Variants in KAZN observed in about 807,000 individuals in gnomAD.
KAZN encodes the protein kazrin, periplakin interacting protein, also known as kazrin.
A neutral mutation model predicts 87.4 loss-of-function variants in KAZN; 40 were observed. The observed-to-expected ratio is 0.46, with a 90% CI of 0.36 to 0.60. The LOEUF (loss-of-function observed/expected upper bound fraction) is 0.60, where lower values mean the gene tolerates loss of function less well. KAZN is among the 20% of genes least tolerant of loss of function. The pLI is 0.00. For synonymous variants in KAZN, 466 were observed against 458.3 expected, an observed-to-expected ratio of 1.02 and a Z score of -0.22; for missense variants, 898 against 1,073.9, an observed-to-expected ratio of 0.84 and a Z score of 2.29.
At chr1:14,477,138 A>G (rs1206884519) in intron 2 of KAZN, among the ~76,000 whole-genome samples, 1 of 152,194 alleles carries the variant, frequency 6.6e-6, no homozygotes, top group Admixed American at 6.5e-5. Context: ...GTGGGAGGTC[A>G]TTAAATTATG....
intron 1 of KAZN, among the ~76,000 whole-genome samples, chr1:14,126,376 AATTT>A (rs1644869308): frequency 7.2e-6 from 1 of 138,090 alleles, no homozygotes; most frequent in African/African-American, 2.6e-5. Context: ...CAAGATGCTT[AATTT>A]ATTTATTACA....
In KAZN at chr1:14,387,976, C is replaced by T. The variant is rs188518322; in HGVS notation, c.249+207384C>T. Among the ~76,000 whole-genome samples the T allele has an allele frequency of 5.0e-4, 76 of 152,324 alleles. No homozygotes were observed. In the East Asian group the frequency reaches 8.3e-3, roughly 17 times the overall value. On this transcript the variant is annotated intron_variant, in intron 2 of 16. Transcript: ENST00000636203. ...CTAGCAATCAGCGAGACTCCGTGGG[C>T]GTAGGACCCTCCGATCCAGGTGCGG...
intron 1 of KAZN, among the ~76,000 whole-genome samples, chr1:14,847,968 A>G (rs1648980326): frequency 6.6e-6 from 1 of 152,224 alleles, no homozygotes. Context: ...CGACAGAGTG[A>G]GATTCTGTCT....
chr1:13,915,227 G>A (rs954579821), intron 1 of KAZN, among the ~76,000 whole-genome samples: 3 of 152,010 alleles, frequency 2.0e-5, no homozygotes, highest in Non-Finnish European at 4.4e-5. Flanking sequence ...TTCTTATGGC[G>A]AAACCAAAAA....
In KAZN at chr1:14,301,481, C is replaced by G. The variant is rs188594066; in HGVS notation, c.249+120889C>G. ...AGCCACCGGGGTAGTGTAGACACACCCCTTCTGAATGTACCCCAGCCTGCC... is the reference window on the plus strand; with the variant it reads ...AGCCACCGGGGTAGTGTAGACACACGCCTTCTGAATGTACCCCAGCCTGCC... On this transcript the variant is annotated intron_variant, in intron 2 of 16. Coordinates refer to the KAZN transcript ENST00000636203. Among the ~76,000 whole-genome samples, 456 of 152,280 alleles carry G rather than the reference C, an allele frequency of 3.0e-3. 2 individuals are homozygous for G. Among genetic ancestry groups the G allele is most frequent in the African/African-American group, 0.01 (430 of 41,538 alleles).
At chr1:13,965,448 G>A (rs1343266935) in intron 1 of KAZN, among the ~76,000 whole-genome samples, 2 of 152,150 alleles carry the variant, frequency 1.3e-5, no homozygotes, top group African/African-American at 2.4e-5. Context: ...ATGGAAAGTG[G>A]GTGGTGGTGT....
In KAZN at chr1:14,267,076, T is replaced by C. The variant is rs144579819; in HGVS notation, c.249+86484T>C. Among the ~76,000 whole-genome samples, 737 of 128,616 alleles carry C rather than the reference T, an allele frequency of 5.7e-3. 7 individuals carry two copies. The highest frequency in any genetic ancestry group is 0.019 in the African/African-American group (700 of 36,860). 84.4% of individuals were successfully genotyped at this position (128,616 alleles called of 152,430 possible). ...CAACAGTCCCCGCTGGTGTGTGATG[T>C]TCCCAAATTTTTTTTTCTCATCAAC... On this transcript the variant is annotated intron_variant, in intron 2 of 16. Transcript: ENST00000636203.
intron 1 of KAZN, among the ~76,000 whole-genome samples, chr1:14,094,162 A>G (rs1341248883): frequency 6.6e-6 from 1 of 152,098 alleles, no homozygotes. Context: ...ATGAGGAGTG[A>G]GAAACGGGAG....
chr1:15,088,788 C>A (rs1041196626), intron 8 of KAZN, among the ~76,000 whole-genome samples: 3 of 151,920 alleles, frequency 2.0e-5, no homozygotes, highest in Non-Finnish European at 4.4e-5. Context: ...GAGAAGGAGG[C>A]GGTGGTGAAT....
chr1:14,799,400 G>A (rs1279765420), intron 1 of KAZN, among the ~76,000 whole-genome samples: 2 of 152,254 alleles, frequency 1.3e-5, no homozygotes, highest in African/African-American at 4.8e-5. Context: ...CCGCTTTCAC[G>A]TTAGCCAATC....
chr1:14,282,562 T>C (rs1215438727), intron 2 of KAZN, among the ~76,000 whole-genome samples: 1 of 152,208 alleles, frequency 6.6e-6, no homozygotes, highest in East Asian at 1.9e-4. Flanking sequence ...AAGACATTGA[T>C]GCCCCCCTTA....
At chr1:14,303,957 C>A (rs536626032) in intron 2 of KAZN, among the ~76,000 whole-genome samples, 1 of 152,340 alleles carries the variant, frequency 6.6e-6, no homozygotes, top group African/African-American at 2.4e-5. Flanking sequence ...GTTCAATAAA[C>A]AACCCTTCCT....
At chr1:14,140,435 G>A (rs1007176182) in intron 1 of KAZN, among the ~76,000 whole-genome samples, 2 of 151,944 alleles carry the variant, frequency 1.3e-5, no homozygotes, top group Non-Finnish European at 2.9e-5. Context: ...ATTATAAGAT[G>A]AAAACAGTTA....
intron 2 of KAZN, among the ~76,000 whole-genome samples, chr1:14,586,310 T>C (rs746632016): frequency 1.6e-4 from 24 of 152,148 alleles, no homozygotes; most frequent in Non-Finnish European, 4.4e-5. Context: ...GATGGATCAA[T>C]CAAACGCCAC....
chr1:14,629,938 GC>G (rs1679441056), intron 1 of KAZN, among the ~76,000 whole-genome samples: 1 of 75,488 alleles, frequency 1.3e-5, no homozygotes, highest in Non-Finnish European at 2.6e-5. Context: ...CCACCTACCC[GC>G]CCCCCTGCCA....
intron 3 of KAZN, among the ~76,000 whole-genome samples, chr1:15,036,853 A>G (rs1672393557): frequency 6.6e-6 from 1 of 152,200 alleles, no homozygotes; most frequent in South Asian, 2.1e-4. Flanking sequence ...CCATTCATTT[A>G]ACATCCACAC....
At chr1:15,041,462 C>G (rs373594186) in intron 3 of KAZN, among the ~76,000 whole-genome samples, 2 of 151,498 alleles carry the variant, frequency 1.3e-5, no homozygotes, top group African/African-American at 2.4e-5. Context: ...CTCAGCCTCC[C>G]GAGTAGCTGG....
chr1:14,350,623 G>A (rs538653725), intron 2 of KAZN, among the ~76,000 whole-genome samples: 35 of 152,322 alleles, frequency 2.3e-4, no homozygotes, highest in African/African-American at 8.4e-4. Flanking sequence ...CAATGCACTG[G>A]ACAGTGCCCA....
intron 1 of KAZN, among the ~76,000 whole-genome samples, chr1:14,766,114 A>G (rs1644875982): frequency 6.6e-6 from 1 of 152,170 alleles, no homozygotes; most frequent in Non-Finnish European, 1.5e-5. Context: ...AACAGACAGT[A>G]GGGGGATATA....
Sources: gnomAD v4.1 joint callset for allele counts (sites outside exome capture counted in the v4.1 genomes callset) on GRCh38, gnomAD v4.1.1 for gene constraint, MANE v1.5 for transcripts, NCBI Gene and HGNC (gene_info 2026-07-23, HGNC 2026-07-21) for gene names.